The following RAB3C variants were observed in gnomAD, a reference collection of about 807,000 sequenced individuals.
RAB3C encodes the protein ras-related protein Rab-3C.
In RAB3C, 17 loss-of-function variants were observed where a neutral mutation model predicts 26.4. The ratio of observed to expected loss-of-function variants is 0.64; its 90% CI spans 0.44 to 0.97. RAB3C has a LOEUF of 0.97. RAB3C is among the 50% of genes least tolerant of loss of function. The probability of loss-of-function intolerance (pLI) is 0.00; values close to 1 mark genes in which losing one functional copy is unlikely to be tolerated. For missense variants in RAB3C, 242 were observed against 281.9 expected (o/e 0.86, Z 1.01); for synonymous variants, 91 against 95.9 (o/e 0.95, Z 0.30).
chr5:58,715,267 T>C (rs1458785230), intron 2 of RAB3C, among the ~76,000 whole-genome samples: 1 of 151,966 alleles, frequency 6.6e-6, no homozygotes, highest in Non-Finnish European at 1.5e-5. Context: ...TAGCCTTTTC[T>C]CCAGGACTAA....
chr5:58,662,519 T>G (rs1747925555), intron 2 of RAB3C, among the ~76,000 whole-genome samples: 1 of 150,192 alleles, frequency 6.7e-6, no homozygotes, highest in Non-Finnish European at 1.5e-5. Context: ...AAATTAATTC[T>G]TACAGCAACC....
intron 2 of RAB3C, among the ~76,000 whole-genome samples, chr5:58,702,107 T>C (rs541657363): frequency 1.8e-4 from 27 of 152,282 alleles, no homozygotes; most frequent in African/African-American, 6.5e-4. Context: ...CAACCTACAA[T>C]TAAAAATATA....
chr5:58,603,144 A>G (rs1375714466), intron 1 of RAB3C, among the ~76,000 whole-genome samples: 1 of 152,140 alleles, frequency 6.6e-6, no homozygotes, highest in East Asian at 1.9e-4. Context: ...ATATGGCCCC[A>G]ATCCCTTCTA....
chr5:58,605,788 C>T (rs1222920284), intron 1 of RAB3C, among the ~76,000 whole-genome samples: 1 of 152,070 alleles, frequency 6.6e-6, no homozygotes. Flanking sequence ...GCTTGTAATC[C>T]CTGCTACTTG....
At chr5:58,787,938 G>T (rs931317002) in intron 3 of RAB3C, among the ~76,000 whole-genome samples, 1 of 152,178 alleles carries the variant, frequency 6.6e-6, no homozygotes, top group Non-Finnish European at 1.5e-5. Context: ...CAGACATCAA[G>T]ACTTTTCTTT....
intron 2 of RAB3C, among the ~76,000 whole-genome samples, chr5:58,642,426 A>T (rs965318318): frequency 6.6e-6 from 1 of 152,168 alleles, no homozygotes; most frequent in Non-Finnish European, 1.5e-5. Flanking sequence ...CTCTCCTCAC[A>T]TTCACTCTTC....
chr5:58,711,557 G>A (rs1181336428), intron 2 of RAB3C, among the ~76,000 whole-genome samples: 1 of 152,100 alleles, frequency 6.6e-6, no homozygotes, highest in Non-Finnish European at 1.5e-5. Flanking sequence ...GCCACACATT[G>A]CTATTACTGA....
intron 2 of RAB3C, among the ~76,000 whole-genome samples, chr5:58,666,898 G>C (rs1748013747): frequency 6.6e-6 from 1 of 152,212 alleles, no homozygotes; most frequent in South Asian, 2.1e-4. Context: ...ACGTGCGTGG[G>C]ACGTCAGACC....
At chr5:58,660,048 G>A (rs906815669) in intron 2 of RAB3C, among the ~76,000 whole-genome samples, 10 of 142,274 alleles carry the variant, frequency 7.0e-5, no homozygotes, top group African/African-American at 2.5e-4. Flanking sequence ...CAAGCAATCC[G>A]CCCGCCTCGG....
chr5:58,700,014 T>C (rs897928878), intron 2 of RAB3C, among the ~76,000 whole-genome samples: 1 of 152,114 alleles, frequency 6.6e-6, no homozygotes, highest in Non-Finnish European at 1.5e-5. Context: ...GGCACCTCAG[T>C]TGGAAATGCA....
Position 58,744,311 on chromosome 5 carries a change from C to G in RAB3C, c.371+18191C>G, listed in dbSNP as rs147476719. 8.5e-5 allele frequency among the ~76,000 whole-genome samples: 13 copies of G among 152,312 alleles called. No homozygotes were observed. In the East Asian group the frequency reaches 2.5e-3, roughly 29 times the overall value. On this transcript the variant is annotated intron_variant, in intron 3 of 4. Transcript: ENST00000282878. ...GTTGTTTCTATCAAAGATTTCTCATCAGTGCTGCCTCTGCAAAGGTTCCTG... is the reference window on the plus strand; with the variant it reads ...GTTGTTTCTATCAAAGATTTCTCATGAGTGCTGCCTCTGCAAAGGTTCCTG...
chr5:58,658,150 T>C (rs1329217811), intron 2 of RAB3C, among the ~76,000 whole-genome samples: 1 of 152,214 alleles, frequency 6.6e-6, no homozygotes, highest in Non-Finnish European at 1.5e-5. Flanking sequence ...AATTTGCCTA[T>C]ATCGGGTCAT....
At chr5:58,649,087 A>C (rs953740813) in intron 2 of RAB3C, among the ~76,000 whole-genome samples, 6 of 152,182 alleles carry the variant, frequency 3.9e-5, no homozygotes, top group Non-Finnish European at 8.8e-5. Flanking sequence ...TGTCCTGGCT[A>C]GACAGCCACT....
intron 2 of RAB3C, among the ~76,000 whole-genome samples, chr5:58,709,501 T>A (rs1234561195): frequency 6.6e-6 from 1 of 152,124 alleles, no homozygotes; most frequent in Non-Finnish European, 1.5e-5. Context: ...CCCAATAAAT[T>A]CCAGTTCTGT....
intron 3 of RAB3C, among the ~76,000 whole-genome samples, chr5:58,822,036 T>C (rs958959800): frequency 3.3e-5 from 5 of 152,182 alleles, no homozygotes; most frequent in African/African-American, 4.8e-5. Context: ...CGTTTCAACA[T>C]TTCAATATTT....
At chr5:58,794,878 A>G (rs761925542) in intron 3 of RAB3C, among the ~76,000 whole-genome samples, 2 of 152,234 alleles carry the variant, frequency 1.3e-5, no homozygotes, top group Non-Finnish European at 2.9e-5. Context: ...ATTCCCCTTC[A>G]GTAGGTTCTG....
At chr5:58,812,700 G>T (rs1743119416) in intron 3 of RAB3C, among the ~76,000 whole-genome samples, 1 of 152,144 alleles carries the variant, frequency 6.6e-6, no homozygotes, top group Non-Finnish European at 1.5e-5. Flanking sequence ...CTAATTAAAA[G>T]TTTCAAAACA....
intron 2 of RAB3C, among the ~76,000 whole-genome samples, chr5:58,649,343 A>C (rs999190064): frequency 6.6e-6 from 1 of 152,130 alleles, no homozygotes; most frequent in South Asian, 2.1e-4. Context: ...AGCATCTAGT[A>C]TCTTTGCAAG....
intron 3 of RAB3C, among the ~76,000 whole-genome samples, chr5:58,807,209 C>A (rs1289457290): frequency 6.6e-6 from 1 of 152,140 alleles, no homozygotes; most frequent in East Asian, 1.9e-4. Flanking sequence ...GGCAGCATAT[C>A]AGACAAAAAA....
Sources: gnomAD v4.1 joint callset for allele counts (sites outside exome capture counted in the v4.1 genomes callset) on GRCh38, gnomAD v4.1.1 for gene constraint, MANE v1.5 for transcripts, NCBI Gene and HGNC (gene_info 2026-07-23, HGNC 2026-07-21) for gene names.